DYNC2LI1: variants seen among roughly 807,000 people sequenced by gnomAD.
DYNC2LI1 encodes dynein cytoplasmic 2 light intermediate chain 1, also known as cytoplasmic dynein 2 light intermediate chain 1.
DYNC2LI1 carries 45 observed loss-of-function variants against 51.9 expected under a neutral mutation model. That is an observed-to-expected ratio of 0.87 (90% CI 0.68 to 1.11). DYNC2LI1 has a LOEUF of 1.11. Among genes scored for constraint, DYNC2LI1 ranks in the 50% most tolerant of loss-of-function variants. The probability of loss-of-function intolerance (pLI) is 0.00; values close to 1 mark genes in which losing one functional copy is unlikely to be tolerated. For missense variants in DYNC2LI1, 490 were observed against 417.4 expected (o/e 1.17, Z -1.51); for synonymous variants, 130 against 137.8 (o/e 0.94, Z 0.40).
rs766469167 is a variant in DYNC2LI1 at position 43,805,189 on chromosome 2, G to A, written c.936G>A (p.Ala312=). Residue 312 remains alanine (A), a synonymous_variant, in exon 12 of 13, where the codon GCG becomes GCA. Transcript: ENST00000260605. ...CGCTGAAAGATATCAAGGACCCTGCGAGAGATCCTCAGTATGCTGAAAATG... is the reference window on the plus strand; with the variant it reads ...CGCTGAAAGATATCAAGGACCCTGCAAGAGATCCTCAGTATGCTGAAAATG... ...INTLKDIKDP[A]RDPQYAENEV... is the part of the protein sequence containing the mutation. 11 of 1,612,120 alleles carry A rather than the reference G, an allele frequency of 6.8e-6. No homozygotes were observed. The highest frequency in any genetic ancestry group is 6.7e-5 in the East Asian group (3 of 44,804).
At chr2:43,782,683 C>A (rs934011342) in intron 2 of DYNC2LI1, among the ~76,000 whole-genome samples, 1 of 152,056 alleles carries the variant, frequency 6.6e-6, no homozygotes, top group African/African-American at 2.4e-5. Context: ...TTTCCTTACT[C>A]CTAAAAAGAA....
At chr2:43,808,878 A>G (rs1036734948) in intron 12 of DYNC2LI1, among the ~76,000 whole-genome samples, 3 of 152,056 alleles carry the variant, frequency 2.0e-5, no homozygotes, top group Admixed American at 6.6e-5. Context: ...AGACAGAGCA[A>G]TGGGTTTCCT....
intron 12 of DYNC2LI1, 59 bp downstream of exon 12, chr2:43,805,305 C>T: frequency 9.3e-7 from 1 of 1,079,250 alleles, no homozygotes; most frequent in Non-Finnish European, 1.4e-6. Flanking sequence ...ACCTGGGGTG[C>T]CTTGGGAATT....
intron 8 of DYNC2LI1, among the ~76,000 whole-genome samples, chr2:43,800,498 G>A (rs977328379): frequency 6.6e-6 from 1 of 151,974 alleles, no homozygotes; most frequent in East Asian, 1.9e-4. Flanking sequence ...ACCATAATGA[G>A]TATGTTTACA....
chr2:43,783,692 T>A, intron 3 of DYNC2LI1, 138 bp downstream of exon 3: 1 of 555,636 alleles, frequency 1.8e-6, no homozygotes, highest in Non-Finnish European at 3.0e-6. Flanking sequence ...ATCCTTAGTA[T>A]AACCTTTAAG....
At chr2:43,825,036 G>C in the DYNC2LI1 span, 158 of 1,612,630 alleles carry the variant, frequency 9.8e-5, 2 homozygotes, top group South Asian at 1.6e-3. Flanking sequence ...GACAACAGAC[G>C]TAGTTAGTGT....
chr2:43,803,642 G>C (rs932534919), intron 10 of DYNC2LI1, among the ~76,000 whole-genome samples: 2 of 152,130 alleles, frequency 1.3e-5, no homozygotes, highest in Non-Finnish European at 2.9e-5. Context: ...GCAAATACAT[G>C]AACCTATGCA....
At chr2:43,805,918 G>C (rs1666236421) in intron 12 of DYNC2LI1, among the ~76,000 whole-genome samples, 1 of 148,554 alleles carries the variant, frequency 6.7e-6, no homozygotes, top group African/African-American at 2.5e-5. Context: ...GTCTCACACT[G>C]TCGCCCAGGC....
chr2:43,820,582 CAGGT>C, the DYNC2LI1 span, among the ~76,000 whole-genome samples: 1 of 152,190 alleles, frequency 6.6e-6, no homozygotes, highest in Non-Finnish European at 1.5e-5. Flanking sequence ...TGTCCTCGAT[CAGGT>C]TAGCCCTCCC....
chr2:43,820,224 C>T, the DYNC2LI1 span: 1 of 1,168,028 alleles, frequency 8.6e-7, no homozygotes, highest in Non-Finnish European at 1.2e-6. Flanking sequence ...GGGCAAGCCA[C>T]ACTCCCCTTT....
the DYNC2LI1 span, chr2:43,819,848 G>C: frequency 1.3e-6 from 2 of 1,539,100 alleles, no homozygotes; most frequent in Non-Finnish European, 9.0e-7. Flanking sequence ...CTTTACTTCA[G>C]TCATTATTAG....
rs185277856 is a variant in DYNC2LI1 at position 43,778,173 on chromosome 2, C to G, written c.126+1274C>G. Among the ~76,000 whole-genome samples the G allele has an allele frequency of 2.0e-5, 3 of 152,034 alleles. No individual in the cohort carries two copies. The East Asian group carries it at 5.8e-4, about 29-fold the overall frequency. ...TATATATTTTATAAGCATGTTATTT[C>G]TTTTTTTGAGACAGGGTCTCGCTCT... On this transcript the variant is annotated intron_variant, in intron 2 of 12. Transcript: ENST00000260605.
chr2:43,826,137 G>A, the DYNC2LI1 span, among the ~76,000 whole-genome samples: 1 of 151,776 alleles, frequency 6.6e-6, no homozygotes, highest in Non-Finnish European at 1.5e-5. Flanking sequence ...CACCATGCCT[G>A]GCTAATTTTT....
At chr2:43,822,973 C>A in the DYNC2LI1 span, 1 of 1,611,274 alleles carries the variant, frequency 6.2e-7, no homozygotes, top group South Asian at 1.1e-5. Flanking sequence ...AGTCAGTCAC[C>A]ACCCAGCTGA....
rs904823504 is a variant in DYNC2LI1, at chr2:43,792,675, G to C, written c.321-1782G>C. On this transcript the variant is annotated intron_variant, in intron 5 of 12. Transcript: ENST00000260605. The stretch of plus-strand genomic sequence containing the variant: ...ATAACTCCTTGTTTTTCCTTCCCCA[G>C]CTCCTGGCAACTATCATCCCTACTG... The C allele has an allele frequency of 1.5e-5, 23 of 1,540,294 alleles. No individual in the cohort carries two copies. In the East Asian group the frequency reaches 3.5e-4, roughly 23 times the overall value.
intron 3 of DYNC2LI1, among the ~76,000 whole-genome samples, chr2:43,785,073 G>A (rs1270592648): frequency 5.9e-5 from 9 of 151,676 alleles, no homozygotes; most frequent in Admixed American, 2.0e-4. Flanking sequence ...CAAGGCAGGC[G>A]GATCGCTTGA....
intron 7 of DYNC2LI1, among the ~76,000 whole-genome samples, chr2:43,796,449 C>A (rs756588627): frequency 6.6e-6 from 1 of 152,024 alleles, no homozygotes. Context: ...GTCAGAGAAT[C>A]GTTAGAATTC....
chr2:43,801,603 C>G (rs370249272), intron 9 of DYNC2LI1, 36 bp from the exon 10 acceptor site: 86 of 1,539,594 alleles, frequency 5.6e-5, no homozygotes, highest in Non-Finnish European at 7.7e-5. Context: ...AATCTAATTG[C>G]TAAACTAATT....
intron 12 of DYNC2LI1, among the ~76,000 whole-genome samples, chr2:43,808,757 C>G (rs925223892): frequency 7.2e-5 from 11 of 152,144 alleles, no homozygotes; most frequent in African/African-American, 2.4e-4. Flanking sequence ...ATTATGTTTT[C>G]ATGTGGCCAC....
Sources: allele counts gnomAD v4.1 joint callset (sites outside exome capture counted in the v4.1 genomes callset), GRCh38; gene constraint gnomAD v4.1.1; transcripts MANE v1.5; gene names NCBI Gene and HGNC (gene_info 2026-07-23, HGNC 2026-07-21).